Variants in ARHGEF12 observed in about 807,000 individuals in gnomAD.
ARHGEF12 encodes KMT2A/ARHGEF12 fusion protein.
ARHGEF12 carries 66 observed loss-of-function variants against 211.2 expected under a neutral mutation model. That is an observed-to-expected ratio of 0.31 (90% CI 0.26 to 0.38). The LOEUF is 0.38. Ranked by LOEUF, ARHGEF12 falls within the 10% of genes least tolerant of loss-of-function variation. The probability of loss-of-function intolerance (pLI) is 1.00; values close to 1 mark genes in which losing one functional copy is unlikely to be tolerated. For missense variants in ARHGEF12, 1,429 were observed against 1,869.5 expected (o/e 0.76, Z 4.34); for synonymous variants, 592 against 638.4 (o/e 0.93, Z 1.09).
rs76361742 is a variant in ARHGEF12, at chr11:120,424,136, T to G, written c.349-222T>G. Among the ~76,000 whole-genome samples, 381 of 152,308 alleles carry G rather than the reference T, an allele frequency of 2.5e-3. 1 individual carries two copies. Among genetic ancestry groups the G allele is most frequent in the African/African-American group, 8.6e-3 (356 of 41,578 alleles). Reference sequence around the variant, plus strand: ...TCATGGTGAATAAGTTGTACTGTTTTGTATGTCAAGGCCTCGGTTTATGTT... The same window carrying G: ...TCATGGTGAATAAGTTGTACTGTTTGGTATGTCAAGGCCTCGGTTTATGTT... On this transcript the variant is annotated intron_variant, in intron 6 of 40. Coordinates refer to ENST00000397843, the MANE Select transcript of ARHGEF12 (RefSeq NM_015313.3).
At position 120,424,418 on chromosome 11, in the gene ARHGEF12, A is replaced by G. The variant is rs1441351659; in HGVS notation, c.406+3A>G. The G allele has an allele frequency of 6.2e-7, 1 of 1,612,518 alleles. No homozygotes were observed. Among genetic ancestry groups the G allele is most frequent in the African/African-American group, 1.3e-5 (1 of 75,044 alleles). ...GGAGGTGGTGAAGCTAATCAAATGTAGGTGAATGTTATTCTTAGTTTTAAT... is the reference window on the plus strand; with the variant it reads ...GGAGGTGGTGAAGCTAATCAAATGTGGGTGAATGTTATTCTTAGTTTTAAT... On this transcript the variant is annotated splice_donor_region_variant and intron_variant, in intron 7 of 40. Transcript: ENST00000397843.
intron 4 of ARHGEF12, chr11:120,411,168 G>C (rs900713260): frequency 1.3e-5 from 2 of 152,182 alleles, no homozygotes; most frequent in African/African-American, 4.8e-5. Context: ...GTAAGGTGTG[G>C]CTTCTCTGTG....
intron 1 of ARHGEF12, among the ~76,000 whole-genome samples, chr11:120,385,070 G>T (rs1482471250): frequency 6.6e-6 from 1 of 151,816 alleles, no homozygotes; most frequent in Non-Finnish European, 1.5e-5. Context: ...CTTTATAATT[G>T]GATCTTTTTT....
chr11:120,431,886 C>T lies in ARHGEF12; in HGVS notation c.899C>T (p.Ser300Phe). The T allele has an allele frequency of 1.2e-6, 2 of 1,610,740 alleles. No individual in the cohort carries two copies. Among genetic ancestry groups the T allele is most frequent in the Non-Finnish European group, 1.7e-6 (2 of 1,178,918 alleles). The change falls in exon 11 of 41, where the codon TCT becomes TTT. Residue 300 changes from serine (S) to phenylalanine (F), a missense_variant. Physicochemically the swap from Ser to Phe is radical, Grantham distance 155 (BLOSUM62 -2). Around this residue, in one of 7 missense-constraint regions of ARHGEF12, gnomAD observed 254 missense variants for 286.4 expected, o/e 0.89. Coordinates refer to ENST00000397843, the MANE Select transcript of ARHGEF12 (RefSeq NM_015313.3). ...GRTDCSSGDA[S>F]RPSSDNADSP... is the part of the protein sequence containing the mutation. ...ACTGACTGTAGCAGTGGAGATGCTT[C>T]TCGGCCCAGTAGTGACAATGCAGAT...
chr11:120,426,938 G>A (rs1489363310), intron 7 of ARHGEF12, among the ~76,000 whole-genome samples: 1 of 151,928 alleles, frequency 6.6e-6, no homozygotes. Context: ...GTGCAGTGGC[G>A]CAATCTCGGC....
chr11:120,485,879 T>C lies in ARHGEF12; in HGVS notation c.*802T>C. 4.3e-6 allele frequency: 1 copy of C among 233,558 alleles called. No individual in the cohort carries two copies. Among genetic ancestry groups the C allele is most frequent in the Non-Finnish European group, 8.5e-6 (1 of 117,936 alleles). 14.5% of individuals were successfully genotyped at this position (233,558 alleles called of 1,614,324 possible). On this transcript the variant is annotated 3_prime_UTR_variant, in exon 41 of 41. Transcript: ENST00000397843. Reference sequence around the variant, plus strand: ...GGTGTGTTTTCTTCCATTGTCGTCTTTTCTATTGAGGGTTGGGATTTGGGT... The same window carrying C: ...GGTGTGTTTTCTTCCATTGTCGTCTCTTCTATTGAGGGTTGGGATTTGGGT...
intron 30 of ARHGEF12, among the ~76,000 whole-genome samples, chr11:120,472,081 T>C (rs1352215188): frequency 6.6e-6 from 1 of 152,178 alleles, no homozygotes; most frequent in Non-Finnish European, 1.5e-5. Context: ...TAACTCTCTA[T>C]ATGTGCTAAT....
intron 1 of ARHGEF12, chr11:120,337,542 G>A: frequency 1.0e-6 from 1 of 985,384 alleles, no homozygotes; most frequent in South Asian, 4.7e-5. Context: ...CGCCTGTAGT[G>A]TGCATTAGGA....
chr11:120,447,045 A>G lies in ARHGEF12; in HGVS notation c.1549A>G (p.Thr517Ala). The change falls in exon 18 of 41, where the codon ACA (threonine) becomes GCA (alanine). Residue 517 changes from threonine (T) to alanine (A), a missense_variant. By Grantham distance (58) the Thr-to-Ala change is moderately conservative (BLOSUM62 0). This residue lies in a region of ARHGEF12 where 373 missense variants were observed against 467.5 expected (regional missense o/e 0.80). Transcript: ENST00000397843. Reference sequence around the variant, plus strand: ...CCGATTGACTTTGGAGAAGGAGCGGACATGTGCAGAACAGATTGTTGCCAA... The same window carrying G: ...CCGATTGACTTTGGAGAAGGAGCGGGCATGTGCAGAACAGATTGTTGCCAA... ...KDRLTLEKER[T>A]CAEQIVAKIE... The G allele has an allele frequency of 6.2e-7, 1 of 1,614,224 alleles. No individual in the cohort carries two copies. Among genetic ancestry groups the G allele is most frequent in the Non-Finnish European group, 8.5e-7 (1 of 1,180,042 alleles).
chr11:120,343,189 T>C (rs950847638), intron 1 of ARHGEF12, among the ~76,000 whole-genome samples: 1 of 152,230 alleles, frequency 6.6e-6, no homozygotes, highest in Non-Finnish European at 1.5e-5. Flanking sequence ...TATTATAAAA[T>C]CTGTAAGACT....
chr11:120,450,218 G>A (rs1946163735), intron 21 of ARHGEF12: 1 of 152,032 alleles, frequency 6.6e-6, no homozygotes. Context: ...AACAAGAACA[G>A]CCAAAATAAG....
chr11:120,405,274 T>C (rs1944665844), intron 1 of ARHGEF12, among the ~76,000 whole-genome samples: 1 of 152,154 alleles, frequency 6.6e-6, no homozygotes, highest in South Asian at 2.1e-4. Context: ...TAAAATGCCA[T>C]AGGTTGAAAT....
chr11:120,352,189 C>CA (rs1368417957), intron 1 of ARHGEF12, among the ~76,000 whole-genome samples: 2 of 152,090 alleles, frequency 1.3e-5, no homozygotes, highest in African/African-American at 4.8e-5. Flanking sequence ...GGGATTTTGT[C>CA]TCATTTGCTC....
At chr11:120,357,254 A>G (rs1295127423) in intron 1 of ARHGEF12, among the ~76,000 whole-genome samples, 1 of 152,146 alleles carries the variant, frequency 6.6e-6, no homozygotes, top group Non-Finnish European at 1.5e-5. Context: ...TCAACCTCCC[A>G]AAGTACTGGG....
chr11:120,336,519 C>T lies in ARHGEF12; in HGVS notation c.-725C>T, dbSNP rs1187845669. On this transcript the variant is annotated 5_prime_UTR_variant, in exon 1 of 41. Transcript: ENST00000397843. The stretch of plus-strand genomic sequence containing the variant: ...GGCATCTCCCGCCCCTCGCGGGGAG[C>T]GTCGGGGAGGAGCCGCCGCCTCTGG... 1.3e-5 allele frequency among the ~76,000 whole-genome samples: 2 copies of T among 151,920 alleles called. No homozygotes were observed. The highest frequency in any genetic ancestry group is 4.8e-5 in the African/African-American group (2 of 41,422).
chr11:120,404,342 A>G (rs1162303972), intron 1 of ARHGEF12, among the ~76,000 whole-genome samples: 1 of 152,256 alleles, frequency 6.6e-6, no homozygotes, highest in Non-Finnish European at 1.5e-5. Context: ...TGACATTGTT[A>G]CTTATGCATA....
chr11:120,468,577 T>C (rs1946776389), intron 29 of ARHGEF12, among the ~76,000 whole-genome samples: 1 of 152,136 alleles, frequency 6.6e-6, no homozygotes, highest in Non-Finnish European at 1.5e-5. Context: ...GCCTCCCGAG[T>C]AGCTGGGATT....
rs1356890885 is a variant in ARHGEF12, at chr11:120,458,092, A to G, written c.2238A>G (p.Val746=). 1.2e-6 allele frequency: 2 copies of G among 1,608,414 alleles called. No homozygotes were observed. Among genetic ancestry groups the G allele is most frequent in the Non-Finnish European group, 1.7e-6 (2 of 1,178,890 alleles). Reference sequence around the variant, plus strand: ...TTTTTCTTCATAGGTTTGACAGTGTAGCTTTTGGAGAAAGTCAAAGTGAGG... The same window carrying G: ...TTTTTCTTCATAGGTTTGACAGTGTGGCTTTTGGAGAAAGTCAAAGTGAGG... ...TPKPFRKFDS[V]AFGESQSEDE... The change falls in exon 25 of 41, where the codon GTA becomes GTG. Residue 746 remains valine (V), a synonymous_variant. Transcript: ENST00000397843.
At chr11:120,422,025 A>G (rs532109985) in intron 6 of ARHGEF12, among the ~76,000 whole-genome samples, 173 bp downstream of exon 6, 66 of 152,332 alleles carry the variant, frequency 4.3e-4, no homozygotes, top group African/African-American at 1.5e-3. Flanking sequence ...ACTACCCTTT[A>G]CTGAAGGACG....
Sources: allele counts gnomAD v4.1 joint callset (sites outside exome capture counted in the v4.1 genomes callset), GRCh38; gene constraint gnomAD v4.1.1; regional missense constraint gnomAD v4.1.1; transcripts MANE v1.5; gene names NCBI Gene and HGNC (gene_info 2026-07-23, HGNC 2026-07-21).